Variants in TANGO6 observed in about 807,000 individuals in gnomAD.
TANGO6 encodes the protein transport and golgi organization 6 homolog, also known as transport and Golgi organization protein 6 homolog.
TANGO6 carries 90 observed loss-of-function variants against 114.2 expected under a neutral mutation model. The observed-to-expected ratio is 0.79, with a 90% CI of 0.66 to 0.94. TANGO6 has a LOEUF of 0.94. Ranked by LOEUF, TANGO6 falls within the 40% of genes least tolerant of loss-of-function variation. TANGO6 has a pLI of 0.00. For missense variants in TANGO6, 1,274 were observed against 1,315.3 expected (o/e 0.97, Z 0.49); for synonymous variants, 477 against 509.8 (o/e 0.94, Z 0.87).
chr16:69,079,561 A>G (rs2152245177), intron 17 of TANGO6, among the ~76,000 whole-genome samples: 1 of 150,286 alleles, frequency 6.7e-6, no homozygotes, highest in African/African-American at 2.5e-5. Flanking sequence ...AACTCATATG[A>G]CAGATAATGG....
At chr16:68,960,433 C>T (rs1963577716) in intron 14 of TANGO6, among the ~76,000 whole-genome samples, 2 of 151,798 alleles carry the variant, frequency 1.3e-5, no homozygotes, top group Admixed American at 1.3e-4. Context: ...AGAGGCAGCC[C>T]AGCACAGCTG....
intron 15 of TANGO6, among the ~76,000 whole-genome samples, chr16:69,016,904 G>A (rs149715055): frequency 0.012 from 1,793 of 151,998 alleles, 9 homozygotes; most frequent in Non-Finnish European, 0.02. Flanking sequence ...CAGGTGATTC[G>A]CCCACCTCAG....
chr16:68,988,180 T>G (rs1963914059), intron 15 of TANGO6, among the ~76,000 whole-genome samples: 1 of 152,184 alleles, frequency 6.6e-6, no homozygotes, highest in South Asian at 2.1e-4. Flanking sequence ...CAGGACACTC[T>G]AATGGGTCTT....
rs564093818 is a variant in TANGO6 at position 68,855,131 on chromosome 16, T to C, written c.95-4753T>C. The stretch of plus-strand genomic sequence containing the variant: ...CTGAGGCAGGAGAATCGCTTGAACC[T>C]GGGAAGTGGAGGTTGCAGTGAGCTG... On this transcript the variant is annotated intron_variant, in intron 1 of 17. Transcript: ENST00000261778. Among the ~76,000 whole-genome samples the C allele has an allele frequency of 5.8e-3, 856 of 148,310 alleles. 4 individuals carry two copies. Among genetic ancestry groups the C allele is most frequent in the Non-Finnish European group, 9.6e-3 (643 of 66,652 alleles).
At chr16:68,922,645 A>G (rs553070450) in intron 12 of TANGO6, among the ~76,000 whole-genome samples, 1 of 151,980 alleles carries the variant, frequency 6.6e-6, no homozygotes, top group Non-Finnish European at 1.5e-5. Context: ...TAAAAGTATT[A>G]TACATTGGTT....
At chr16:68,906,620 T>C (rs1235203770) in intron 9 of TANGO6, among the ~76,000 whole-genome samples, 1 of 152,038 alleles carries the variant, frequency 6.6e-6, no homozygotes, top group Admixed American at 6.6e-5. Flanking sequence ...TCTATGTTAC[T>C]TGAGTTCAGT....
intron 14 of TANGO6, among the ~76,000 whole-genome samples, chr16:68,936,747 C>T (rs1963302680): frequency 6.6e-6 from 1 of 152,000 alleles, no homozygotes; most frequent in Admixed American, 6.6e-5. Context: ...TCCAAGTGGT[C>T]CCTCTCAGTG....
intron 14 of TANGO6, among the ~76,000 whole-genome samples, chr16:68,930,624 T>C (rs1963227071): frequency 6.6e-6 from 1 of 151,340 alleles, no homozygotes; most frequent in Non-Finnish European, 1.5e-5. Context: ...TTTATGTTAG[T>C]CGGCTACTGT....
chr16:68,881,333 G>A (rs1315063002), intron 7 of TANGO6, among the ~76,000 whole-genome samples: 1 of 152,064 alleles, frequency 6.6e-6, no homozygotes, highest in Admixed American at 6.6e-5. Flanking sequence ...GGCCAATATG[G>A]CGAAACCCTA....
At chr16:69,000,261 TA>T (rs2152220866) in intron 15 of TANGO6, among the ~76,000 whole-genome samples, 1 of 152,326 alleles carries the variant, frequency 6.6e-6, no homozygotes, top group South Asian at 2.1e-4. Flanking sequence ...ATGCTTTTAA[TA>T]TACCAAATAT....
chr16:68,904,266 C>G (rs1285861476), intron 9 of TANGO6, among the ~76,000 whole-genome samples: 3 of 152,126 alleles, frequency 2.0e-5, no homozygotes, highest in Non-Finnish European at 2.9e-5. Context: ...GCCACCATGC[C>G]AGGCTAACGT....
intron 2 of TANGO6, among the ~76,000 whole-genome samples, chr16:68,861,151 A>G (rs373430242): frequency 6.6e-6 from 1 of 152,258 alleles, no homozygotes; most frequent in African/African-American, 2.4e-5. Flanking sequence ...TCACATGCTG[A>G]CTGGGGAGAT....
intron 15 of TANGO6, among the ~76,000 whole-genome samples, chr16:69,009,014 T>C (rs1321347411): frequency 6.6e-6 from 1 of 151,404 alleles, no homozygotes; most frequent in Non-Finnish European, 1.5e-5. Context: ...TCATTCTTTC[T>C]CCATTGTTTT....
At chr16:68,955,904 C>T (rs1257327953) in intron 14 of TANGO6, among the ~76,000 whole-genome samples, 4 of 152,148 alleles carry the variant, frequency 2.6e-5, no homozygotes, top group Non-Finnish European at 5.9e-5. Context: ...AATCCCAACA[C>T]TTTGGGAGGC....
chr16:69,038,259 C>G (rs1293566251), intron 16 of TANGO6, among the ~76,000 whole-genome samples: 1 of 151,900 alleles, frequency 6.6e-6, no homozygotes, highest in African/African-American at 2.4e-5. Flanking sequence ...GAAACCCTGC[C>G]TCTACCAAAA....
chr16:68,915,856 C>T (rs957248694), intron 11 of TANGO6, among the ~76,000 whole-genome samples: 1 of 152,128 alleles, frequency 6.6e-6, no homozygotes, highest in Non-Finnish European at 1.5e-5. Flanking sequence ...GTGATTTGTC[C>T]AGAGAATTAA....
chr16:69,062,262 C>G (rs1960129509), intron 17 of TANGO6, among the ~76,000 whole-genome samples: 1 of 152,100 alleles, frequency 6.6e-6, no homozygotes, highest in Admixed American at 6.6e-5. Flanking sequence ...TTGCCTGTAC[C>G]TGAGGCTTAG....
intron 17 of TANGO6, among the ~76,000 whole-genome samples, chr16:69,074,470 G>A (rs1960342349): frequency 6.6e-6 from 1 of 152,024 alleles, no homozygotes; most frequent in African/African-American, 2.4e-5. Context: ...GGAGGAACGT[G>A]TCCACCCTAG....
rs56983779 is a variant in TANGO6 at position 69,063,808 on chromosome 16, C to CTTCTTCTTCTTA, written c.3109-19675_3109-19674insCTTCTTCTTATT. 9.2e-3 allele frequency among the ~76,000 whole-genome samples: 1,159 copies of CTTCTTCTTCTTA among 125,522 alleles called. 12 individuals carry two copies. Among genetic ancestry groups the CTTCTTCTTCTTA allele is most frequent in the Non-Finnish European group, 0.012 (729 of 62,292 alleles). The allele number at this position is 125,522 out of a possible 152,430, so 82.3% of individuals were successfully genotyped here. On this transcript the variant is annotated intron_variant, in intron 17 of 17. Transcript: ENST00000261778. ...TCTTCTTCTTCTTCTTCTTCTTCTT[C>CTTCTTCTTCTTA]TTATTATTATTATTATTATTATTAT...
Sources: gnomAD v4.1 joint callset for allele counts (sites outside exome capture counted in the v4.1 genomes callset) on GRCh38, gnomAD v4.1.1 for gene constraint, MANE v1.5 for transcripts, NCBI Gene and HGNC (gene_info 2026-07-23, HGNC 2026-07-21) for gene names.